RASGRP3: variants seen among roughly 807,000 people sequenced by gnomAD.
The protein encoded by RASGRP3 is RAS guanyl releasing protein 3, also known as ras guanyl-releasing protein 3.
A neutral mutation model predicts 82.7 loss-of-function variants in RASGRP3; 54 were observed. The ratio of observed to expected loss-of-function variants is 0.65; its 90% CI spans 0.52 to 0.82. RASGRP3 has a LOEUF of 0.82. RASGRP3 is among the 40% of genes least tolerant of loss of function. The pLI is 0.00. For missense variants in RASGRP3, 861 were observed against 828.9 expected, an observed-to-expected ratio of 1.04 and a Z score of -0.48; for synonymous variants, 309 against 300.5, an observed-to-expected ratio of 1.03 and a Z score of -0.29.
chr2:33,515,807 A>G (rs1483070140), intron 3 of RASGRP3, among the ~76,000 whole-genome samples: 1 of 152,184 alleles, frequency 6.6e-6, no homozygotes, highest in Non-Finnish European at 1.5e-5. Context: ...AAGAAAGTCA[A>G]CCCACATGGG....
At chr2:33,516,721 C>T (rs941201025) in intron 4 of RASGRP3, 77 bp downstream of exon 4, 5 of 1,003,204 alleles carry the variant, frequency 5.0e-6, no homozygotes, top group Non-Finnish European at 7.4e-6. Context: ...TATCCAAAGC[C>T]AGTAAATTAA....
At chr2:33,451,786 C>G (rs1045437931) in intron 2 of RASGRP3, among the ~76,000 whole-genome samples, 1 of 152,004 alleles carries the variant, frequency 6.6e-6, no homozygotes, top group Non-Finnish European at 1.5e-5. Flanking sequence ...AGTTTCTTAT[C>G]ATTATTTCTT....
intron 1 of RASGRP3, among the ~76,000 whole-genome samples, chr2:33,486,044 A>G (rs1314859726): frequency 6.6e-6 from 1 of 152,262 alleles, no homozygotes; most frequent in Non-Finnish European, 1.5e-5. Context: ...AGTACAGTCT[A>G]GTAGAATACA....
At chr2:33,474,003 C>T (rs1164292883), upstream of RASGRP3, among the ~76,000 whole-genome samples, 1 of 151,968 alleles carries the variant, frequency 6.6e-6, no homozygotes, top group African/African-American at 2.4e-5. Flanking sequence ...AGTGTTCATG[C>T]TCCTATGGGA....
intron 1 of RASGRP3, among the ~76,000 whole-genome samples, chr2:33,437,904 A>C (rs939950153): frequency 6.6e-6 from 1 of 152,220 alleles, no homozygotes; most frequent in Non-Finnish European, 1.5e-5. Context: ...ACAAACCCTC[A>C]GCATTTATTT....
intron 15 of RASGRP3, among the ~76,000 whole-genome samples, chr2:33,556,957 C>T (rs754116032): frequency 2.7e-5 from 4 of 147,672 alleles, no homozygotes; most frequent in Non-Finnish European, 4.5e-5. Context: ...AAATCTATTA[C>T]ACCTTTGGAT....
intron 14 of RASGRP3, among the ~76,000 whole-genome samples, chr2:33,552,904 C>T (rs1574491524): frequency 1.3e-5 from 2 of 152,210 alleles, no homozygotes; most frequent in Non-Finnish European, 2.9e-5. Flanking sequence ...ATGACAGCAG[C>T]CGGTGGTCTC....
At chr2:33,543,119 T>A (rs1325967928) in intron 12 of RASGRP3, among the ~76,000 whole-genome samples, 1 of 152,160 alleles carries the variant, frequency 6.6e-6, no homozygotes, top group Admixed American at 6.5e-5. Context: ...GCTGAGCAAG[T>A]CTCCTGCCTC....
intron 2 of RASGRP3, among the ~76,000 whole-genome samples, chr2:33,460,341 A>G (rs1666290542): frequency 6.6e-6 from 1 of 152,138 alleles, no homozygotes; most frequent in South Asian, 2.1e-4. Context: ...ATACATATAT[A>G]TGTAGGAGAT....
rs1675185962 is a variant in RASGRP3 at position 33,549,675 on chromosome 2, T to C, written c.1466T>C (p.Met489Thr). 2 of 1,613,870 alleles carry C rather than the reference T, an allele frequency of 1.2e-6. No homozygotes were observed. The highest frequency in any genetic ancestry group is 1.7e-6 in the Non-Finnish European group (2 of 1,179,754). Reference sequence around the variant, plus strand: ...GCTAAATCCCAACTACACTGTAAAATGGGACCAGGATTTATCCATAATTTT... The same window carrying C: ...GCTAAATCCCAACTACACTGTAAAACGGGACCAGGATTTATCCATAATTTT... Reference protein sequence around the residue: ...LRAKSQLHCKMGPGFIHNFQE... With the variant: ...LRAKSQLHCKTGPGFIHNFQE... Residue 489 changes from methionine to threonine, a missense_variant, in exon 14 of 18, where the codon ATG becomes ACG. Transcript: ENST00000403687.
chr2:33,452,333 A>C (rs1326643926), intron 2 of RASGRP3, among the ~76,000 whole-genome samples: 1 of 152,190 alleles, frequency 6.6e-6, no homozygotes. Flanking sequence ...ATGAAGAAGT[A>C]AGCACCTGTT....
At chr2:33,457,877 C>G (rs1666128675) in intron 2 of RASGRP3, among the ~76,000 whole-genome samples, 1 of 152,080 alleles carries the variant, frequency 6.6e-6, no homozygotes, top group African/African-American at 2.4e-5. Flanking sequence ...GTGAAATTGT[C>G]AGGAGGATTA....
chr2:33,559,748 C>A, intron 17 of RASGRP3: 1 of 434,716 alleles, frequency 2.3e-6, no homozygotes, highest in Middle Eastern at 3.6e-4. Context: ...GCCATTGCCA[C>A]CCTGTCGAAT....
chr2:33,552,380 C>A (rs557668695), intron 14 of RASGRP3, among the ~76,000 whole-genome samples: 3 of 152,304 alleles, frequency 2.0e-5, no homozygotes, highest in Non-Finnish European at 4.4e-5. Flanking sequence ...ACACGTTGCA[C>A]GTCACATGGC....
At chr2:33,552,381 G>A (rs74429442) in intron 14 of RASGRP3, among the ~76,000 whole-genome samples, 6 of 152,200 alleles carry the variant, frequency 3.9e-5, no homozygotes, top group African/African-American at 1.4e-4. Flanking sequence ...CACGTTGCAC[G>A]TCACATGGCT....
intron 1 of RASGRP3, among the ~76,000 whole-genome samples, chr2:33,478,108 C>G (rs893774701): frequency 6.6e-6 from 1 of 152,146 alleles, no homozygotes; most frequent in Non-Finnish European, 1.5e-5. Flanking sequence ...CTTCTGCGAT[C>G]GAGTTTCCCT....
Position 33,540,554 on chromosome 2 carries a change from TTTTGTGTGTGTGTG to T in RASGRP3, c.1278+1346_1278+1359del, listed in dbSNP as rs1351321396. Among the ~76,000 whole-genome samples the T allele has an allele frequency of 9.4e-3, 247 of 26,168 alleles. 7 individuals are homozygous for T. The highest frequency in any genetic ancestry group is 0.019 in the South Asian group (16 of 860). The allele number at this position is 26,168 out of a possible 152,430, so 17.2% of individuals were successfully genotyped here. On this transcript the variant is annotated intron_variant, in intron 12 of 17. Transcript: ENST00000403687. ...CTCTCTCTCTCTCTCTGTGTGTGTG[TTTTGTGTGTGTGTG>T]TGTGTGTGTGTGTGTGTGTGTGTGT...
intron 2 of RASGRP3, among the ~76,000 whole-genome samples, chr2:33,455,885 C>T (rs776004487): frequency 6.6e-5 from 10 of 152,176 alleles, no homozygotes; most frequent in Non-Finnish European, 1.0e-4. Context: ...AGGTTTGCCC[C>T]ACCCTGCCCC....
chr2:33,539,162 A>G lies in RASGRP3; in HGVS notation c.1230A>G (p.Pro410=), dbSNP rs557023192. Residue 410 remains proline, a synonymous_variant, in exon 12 of 18, where the codon CCA becomes CCG. Transcript: ENST00000403687. ...TGGAGTGGGCATTAGGGGTGATGCC[A>G]AAGCCAGACCCCACGGTCATCAACA... The part of the protein sequence containing the change: ...VPLEWALGVM[P]KPDPTVINKH... 2 of 1,611,670 alleles carry G rather than the reference A, an allele frequency of 1.2e-6. No individual in the cohort carries two copies. Among genetic ancestry groups the G allele is most frequent in the South Asian group, 1.1e-5 (1 of 90,266 alleles).
Sources: gnomAD v4.1 joint callset for allele counts (sites outside exome capture counted in the v4.1 genomes callset) on GRCh38, gnomAD v4.1.1 for gene constraint, MANE v1.5 for transcripts, NCBI Gene and HGNC (gene_info 2026-07-23, HGNC 2026-07-21) for gene names.